The following SAMD3 variants were observed in gnomAD, a reference collection of about 807,000 sequenced individuals.
The protein encoded by SAMD3 is sterile alpha motif domain-containing protein 3.
Under a neutral mutation model 58.5 loss-of-function variants are expected in SAMD3, and 63 were observed. The ratio of observed to expected loss-of-function variants is 1.08; its 90% CI spans 0.88 to 1.33. The LOEUF is 1.33. Ranked by LOEUF, SAMD3 falls within the 40% of genes most tolerant of loss-of-function variation. The pLI is 0.00. For missense variants in SAMD3, 604 were observed against 608.4 expected (o/e 0.99, Z 0.08); for synonymous variants, 220 against 210.3 (o/e 1.05, Z -0.40).
chr6:130,250,633 C>T (rs1298938107), intron 2 of SAMD3, among the ~76,000 whole-genome samples: 1 of 152,126 alleles, frequency 6.6e-6, no homozygotes, highest in Non-Finnish European at 1.5e-5. Context: ...ACTAATCTGC[C>T]CTTTGTCTCT....
chr6:130,271,368 T>G (rs1774557937), intron 2 of SAMD3, among the ~76,000 whole-genome samples: 1 of 152,206 alleles, frequency 6.6e-6, no homozygotes, highest in Non-Finnish European at 1.5e-5. Context: ...ATCAAGCTAT[T>G]TGATGCTTAC....
chr6:130,360,559 C>T (rs1777955627), intron 1 of SAMD3, among the ~76,000 whole-genome samples: 1 of 152,154 alleles, frequency 6.6e-6, no homozygotes, highest in Non-Finnish European at 1.5e-5. Context: ...AATAGAATAT[C>T]ACAAGGCAAA....
At chr6:130,268,095 A>G (rs533617945) in intron 2 of SAMD3, among the ~76,000 whole-genome samples, 97 of 152,264 alleles carry the variant, frequency 6.4e-4, no homozygotes, top group African/African-American at 2.3e-3. Flanking sequence ...TGGTGTAAAC[A>G]AACCTATTAT....
chr6:130,281,699 G>A (rs924250998), intron 2 of SAMD3, among the ~76,000 whole-genome samples: 25 of 152,090 alleles, frequency 1.6e-4, no homozygotes, highest in African/African-American at 5.1e-4. Context: ...CAGGAGGATC[G>A]CCTGAGGTCA....
At chr6:130,168,489 C>T (rs1582775336) in intron 8 of SAMD3, among the ~76,000 whole-genome samples, 1 of 152,060 alleles carries the variant, frequency 6.6e-6, no homozygotes, top group East Asian at 1.9e-4. Flanking sequence ...AAGACATCTA[C>T]CTTCAATTCT....
intron 1 of SAMD3, among the ~76,000 whole-genome samples, chr6:130,348,101 C>T (rs559459002): frequency 5.3e-5 from 8 of 152,210 alleles, no homozygotes; most frequent in Non-Finnish European, 8.8e-5. Flanking sequence ...AAGGAACAAC[C>T]GGTACCAGCC....
intron 4 of SAMD3, 116 bp downstream of exon 4, chr6:130,214,221 C>A: frequency 2.6e-6 from 2 of 780,252 alleles, no homozygotes; most frequent in South Asian, 3.2e-5. Flanking sequence ...ACCGTACATA[C>A]AATCTAGCTG....
intron 8 of SAMD3, among the ~76,000 whole-genome samples, chr6:130,157,139 A>G (rs997355999): frequency 6.6e-6 from 1 of 151,652 alleles, no homozygotes; most frequent in Non-Finnish European, 1.5e-5. Context: ...ACAGTTCCAT[A>G]ATTTTACTTG....
chr6:130,212,850 A>C (rs1016686078), intron 4 of SAMD3, among the ~76,000 whole-genome samples: 1 of 152,210 alleles, frequency 6.6e-6, no homozygotes, highest in African/African-American at 2.4e-5. Context: ...AATTACTTTG[A>C]TCTCTCTTTC....
intron 2 of SAMD3, among the ~76,000 whole-genome samples, chr6:130,258,641 A>G (rs1454808781): frequency 6.6e-6 from 1 of 152,160 alleles, no homozygotes. Flanking sequence ...CTCCTTCATA[A>G]TCCTTCTATT....
chr6:130,146,511 T>G (rs569050007), intron 9 of SAMD3, among the ~76,000 whole-genome samples: 1 of 152,330 alleles, frequency 6.6e-6, no homozygotes, highest in African/African-American at 2.4e-5. Context: ...GGTTCTAAGA[T>G]CTTACATTTC....
At chr6:130,333,068 T>TGC (rs927442437) in intron 1 of SAMD3, among the ~76,000 whole-genome samples, 1 of 151,374 alleles carries the variant, frequency 6.6e-6, no homozygotes, top group Non-Finnish European at 1.5e-5. Flanking sequence ...TGTGTGTGTG[T>TGC]GTGTGTGTGT....
At chr6:130,143,199 A>T (rs1345389428), downstream of SAMD3, 1 of 152,232 alleles carries the variant, frequency 6.6e-6, no homozygotes, top group Admixed American at 6.5e-5. Context: ...AGAGATGGGT[A>T]GTGTAAAACT....
chr6:130,224,918 C>A (rs141894036), upstream of SAMD3, among the ~76,000 whole-genome samples: 1 of 151,990 alleles, frequency 6.6e-6, no homozygotes, highest in African/African-American at 2.4e-5. Flanking sequence ...ACGCCCAGCC[C>A]GAAGCACTCT....
chr6:130,214,584 C>T, intron 3 of SAMD3, 58 bp from the exon 4 acceptor site: 1 of 1,328,016 alleles, frequency 7.5e-7, no homozygotes. Context: ...CACAGGCATT[C>T]TGAAGAGGCA....
intron 5 of SAMD3, among the ~76,000 whole-genome samples, chr6:130,199,147 C>G (rs752990225): frequency 7.2e-5 from 11 of 152,218 alleles, no homozygotes; most frequent in Non-Finnish European, 1.2e-4. Flanking sequence ...TTGGTCTTCA[C>G]ATCTCAAGTG....
intron 2 of SAMD3, chr6:130,215,746 C>G (rs969138715): frequency 1.3e-6 from 2 of 1,505,694 alleles, no homozygotes; most frequent in Admixed American, 4.1e-5. Context: ...CAGATAAAAG[C>G]CTGACAGAGA....
intron 2 of SAMD3, among the ~76,000 whole-genome samples, chr6:130,246,746 G>A (rs143001904): frequency 0.012 from 1,862 of 152,122 alleles, 13 homozygotes; most frequent in Non-Finnish European, 0.021. Flanking sequence ...ACAATTAGCC[G>A]GGCATGATGG....
chr6:130,165,292 A>T (rs35489480), intron 8 of SAMD3, among the ~76,000 whole-genome samples: 6,237 of 152,252 alleles, frequency 0.041, 170 homozygotes, highest in Non-Finnish European at 0.06. Flanking sequence ...ATGTAGATTA[A>T]ACTAACTGAC....
Sources: allele counts gnomAD v4.1 joint callset (sites outside exome capture counted in the v4.1 genomes callset), GRCh38; gene constraint gnomAD v4.1.1; transcripts MANE v1.5; gene names NCBI Gene and HGNC (gene_info 2026-07-23, HGNC 2026-07-21).